The following FER1L6 variants were observed in gnomAD, a reference collection of about 807,000 sequenced individuals.
The protein encoded by FER1L6 is fer-1 like family member 6.
In FER1L6, 177 loss-of-function variants were observed where a neutral mutation model predicts 219.2. The observed-to-expected ratio is 0.81, with a 90% CI of 0.71 to 0.91. The LOEUF (loss-of-function observed/expected upper bound fraction) is 0.91, where lower values mean the gene tolerates loss of function less well. Among genes scored for constraint, FER1L6 ranks in the 40% least tolerant of loss-of-function variants. The pLI is 0.00. For synonymous variants in FER1L6, 768 were observed against 824.3 expected (o/e 0.93, Z 1.17); for missense variants, 2,153 against 2,259.9 (o/e 0.95, Z 0.96).
At chr8:123,986,039 T>G in intron 11 of FER1L6, 29 bp from the exon 12 acceptor site, 1 of 1,307,846 alleles carries the variant, frequency 7.6e-7, no homozygotes, top group African/African-American at 1.5e-5. Flanking sequence ...AAGCCAGTTC[T>G]GCCTAATAAT....
Position 123,970,075 on chromosome 8 carries a change from T to C in FER1L6, c.425T>C (p.Phe142Ser). 1 of 1,614,064 alleles carries C rather than the reference T, an allele frequency of 6.2e-7. No homozygotes were observed. Among genetic ancestry groups the C allele is most frequent in the East Asian group, 2.2e-5 (1 of 44,872 alleles). The part of the protein sequence containing the change: ...FDFIGPQVHL[F>S]DKIIKISVFH... Reference sequence around the variant, plus strand: ...TTCATTGGGCCCCAAGTGCATCTTTTTGACAAGATCATCAAAATCTCCGTA... The same window carrying C: ...TTCATTGGGCCCCAAGTGCATCTTTCTGACAAGATCATCAAAATCTCCGTA... The change falls in exon 6 of 41, where the codon TTT (phenylalanine) becomes TCT (serine). Residue 142 changes from phenylalanine (F) to serine (S), a missense_variant. Transcript: ENST00000522917.
At chr8:124,013,787 G>A in intron 15 of FER1L6, 1 of 252,836 alleles carries the variant, frequency 4.0e-6, no homozygotes, top group Non-Finnish European at 7.7e-6. Flanking sequence ...TAGGAAACAA[G>A]AAAAATGCTA....
intron 31 of FER1L6, 25 bp downstream of exon 31, chr8:124,071,656 G>A (rs780097201): frequency 6.2e-7 from 1 of 1,603,268 alleles, no homozygotes; most frequent in Admixed American, 1.7e-5. Context: ...TTTGCTCTGA[G>A]GGGGTGTATT....
intron 22 of FER1L6, among the ~76,000 whole-genome samples, chr8:124,053,000 G>A (rs1330295162): frequency 1.3e-5 from 2 of 152,188 alleles, no homozygotes; most frequent in African/African-American, 2.4e-5. Flanking sequence ...AAAGGTGGTC[G>A]TGGAATGGCT....
rs533536298 is a variant in FER1L6, at chr8:124,070,960, T to TA, written c.3966+363dup. 1.4e-4 allele frequency among the ~76,000 whole-genome samples: 21 copies of TA among 152,318 alleles called. No homozygotes were observed. The South Asian group carries it at 4.3e-3, about 32-fold the overall frequency. On this transcript the variant is annotated intron_variant, in intron 30 of 40. Transcript: ENST00000522917. ...ACACAAGCCCTTCATCTGGCAGACT[T>TA]ACAGTGTGAACATCACAAAGTAGTA...
chr8:123,885,888 T>C (rs942536974), intron 1 of FER1L6, among the ~76,000 whole-genome samples: 8 of 152,120 alleles, frequency 5.3e-5, no homozygotes, highest in African/African-American at 1.4e-4. Flanking sequence ...TTCATCACCT[T>C]CCTCCCCCAC....
At chr8:123,876,938 T>C (rs1481969321) in intron 1 of FER1L6, among the ~76,000 whole-genome samples, 1 of 152,236 alleles carries the variant, frequency 6.6e-6, no homozygotes, top group Non-Finnish European at 1.5e-5. Flanking sequence ...GAAGCTTACC[T>C]AACCCCATAC....
chr8:123,971,725 TACG>T (rs762117267), intron 6 of FER1L6, among the ~76,000 whole-genome samples: 1 of 152,220 alleles, frequency 6.6e-6, no homozygotes, highest in Non-Finnish European at 1.5e-5. Flanking sequence ...CCAGAATATA[TACG>T]ACATGGGATA....
At chr8:123,952,774 A>C (rs1814828725) in intron 1 of FER1L6, among the ~76,000 whole-genome samples, 1 of 152,176 alleles carries the variant, frequency 6.6e-6, no homozygotes, top group Admixed American at 6.5e-5. Context: ...CTAGGAGATA[A>C]TGTGTATAAA....
At chr8:124,006,400 T>C (rs1817656471) in intron 13 of FER1L6, among the ~76,000 whole-genome samples, 1 of 152,176 alleles carries the variant, frequency 6.6e-6, no homozygotes, top group South Asian at 2.1e-4. Context: ...TGTACATTCT[T>C]CAGTCACCAT....
chr8:123,922,201 G>A (rs1039960347), intron 1 of FER1L6, among the ~76,000 whole-genome samples: 6 of 152,192 alleles, frequency 3.9e-5, no homozygotes, highest in East Asian at 1.9e-4. Context: ...ATCTGTGTGC[G>A]TTGGCTGGTG....
At chr8:124,076,058 C>G in intron 31 of FER1L6, 140 bp from the exon 32 acceptor site, 3 of 1,045,156 alleles carry the variant, frequency 2.9e-6, no homozygotes, top group South Asian at 3.6e-5. Flanking sequence ...TTTTCAAAAG[C>G]CCAAAGCCCT....
intron 20 of FER1L6, among the ~76,000 whole-genome samples, chr8:124,042,046 C>G (rs978928427): frequency 3.9e-5 from 6 of 152,164 alleles, no homozygotes; most frequent in African/African-American, 1.4e-4. Flanking sequence ...CTTCCTACAG[C>G]AAGGGAGTTC....
chr8:123,907,512 ATGT>A (rs1812975400), intron 1 of FER1L6, among the ~76,000 whole-genome samples: 2 of 152,008 alleles, frequency 1.3e-5, no homozygotes, highest in South Asian at 2.1e-4. Flanking sequence ...AGGGCTGGAA[ATGT>A]TGTCCAATAA....
Position 123,917,127 on chromosome 8 carries a change from A to G in FER1L6, c.-7-38865A>G, listed in dbSNP as rs1381188868. On this transcript the variant is annotated intron_variant, in intron 1 of 40. Coordinates refer to ENST00000522917, the MANE Select transcript of FER1L6 (RefSeq NM_001039112.2). ...CCTCTACTCAGTTTTCTTGTCTGTA[A>G]AAGAGGGATATAAATTCATTCCTTT... Among the ~76,000 whole-genome samples, 3 of 152,174 alleles carry G rather than the reference A, an allele frequency of 2.0e-5. No individual in the cohort carries two copies. In the East Asian group the frequency reaches 5.8e-4, roughly 29 times the overall value.
At chr8:124,096,422 G>A (rs1479837479) in intron 35 of FER1L6, among the ~76,000 whole-genome samples, 1 of 152,036 alleles carries the variant, frequency 6.6e-6, no homozygotes, top group Non-Finnish European at 1.5e-5. Flanking sequence ...TGCTCTAGTG[G>A]AGTCCCACCT....
rs1183427684 is a variant in FER1L6, at chr8:124,118,851, T to C, written c.5297T>C (p.Val1766Ala). 1 of 1,613,772 alleles carries C rather than the reference T, an allele frequency of 6.2e-7. No homozygotes were observed. Among genetic ancestry groups the C allele is most frequent in the East Asian group, 2.2e-5 (1 of 44,886 alleles). The change falls in exon 40 of 41, where the codon GTT (valine) becomes GCT (alanine). Residue 1766 changes from valine (V) to alanine (A), a missense_variant. Coordinates refer to ENST00000522917, the MANE Select transcript of FER1L6 (RefSeq NM_001039112.2). Reference sequence around the variant, plus strand: ...TTTTGCATCTTTTTGCAGGGCAAGGTTGAAGCTGAGTTCCACCTAGTTACA... The same window carrying C: ...TTTTGCATCTTTTTGCAGGGCAAGGCTGAAGCTGAGTTCCACCTAGTTACA... Reference protein sequence around the residue: ...FSKSKELTGKVEAEFHLVTAE... With the variant: ...FSKSKELTGKAEAEFHLVTAE...
intron 32 of FER1L6, among the ~76,000 whole-genome samples, chr8:124,077,572 T>G (rs1821345124): frequency 6.6e-6 from 1 of 152,208 alleles, no homozygotes; most frequent in African/African-American, 2.4e-5. Context: ...CATCCAGTGA[T>G]GACCTTTATC....
chr8:124,023,532 T>G lies in FER1L6; in HGVS notation c.2222T>G (p.Leu741Arg), dbSNP rs1163781076. 6.2e-7 allele frequency: 1 copy of G among 1,614,134 alleles called. No individual in the cohort carries two copies. Among genetic ancestry groups the G allele is most frequent in the Non-Finnish European group, 8.5e-7 (1 of 1,180,014 alleles). The change falls in exon 18 of 41, where the codon CTC (leucine) becomes CGC (arginine). Residue 741 changes from leucine to arginine, a missense_variant. Leu to Arg is a moderately radical substitution (Grantham distance 102). Coordinates refer to ENST00000522917, the MANE Select transcript of FER1L6 (RefSeq NM_001039112.2). Reference protein sequence around the residue: ...AYARIASKDLLYSPVAGQMGK... With the variant: ...AYARIASKDLRYSPVAGQMGK... ...GCCCGCATCGCCTCCAAAGACCTCC[T>G]CTATTCCCCTGTCGCGGGGCAGATG...
Sources: gnomAD v4.1 joint callset for allele counts (sites outside exome capture counted in the v4.1 genomes callset) on GRCh38, gnomAD v4.1.1 for gene constraint, MANE v1.5 for transcripts, NCBI Gene and HGNC (gene_info 2026-07-23, HGNC 2026-07-21) for gene names.